Variants in TUT4 observed in about 807,000 individuals in gnomAD.
The protein encoded by TUT4 is terminal uridylyl transferase 4.
In TUT4, 36 loss-of-function variants were observed where a neutral mutation model predicts 192.2. The ratio of observed to expected loss-of-function variants is 0.19; its 90% confidence interval spans 0.14 to 0.25. The LOEUF is 0.25. Ranked by LOEUF, TUT4 falls within the 10% of genes least tolerant of loss-of-function variation. The pLI, the probability that TUT4 is intolerant of heterozygous loss-of-function variation, is 1.00. For synonymous variants in TUT4, 618 were observed against 666.0 expected (o/e 0.93, Z 1.11); for missense variants, 1,493 against 1,957.2 (o/e 0.76, Z 4.47).
intron 28 of TUT4, among the ~76,000 whole-genome samples, chr1:52,427,459 G>C (rs901607442): frequency 6.6e-6 from 1 of 152,178 alleles, no homozygotes; most frequent in Non-Finnish European, 1.5e-5. Context: ...GTTGCAGGGG[G>C]ATGGAAGACT....
chr1:52,531,360 G>A (rs1484458266), intron 1 of TUT4, among the ~76,000 whole-genome samples: 2 of 151,916 alleles, frequency 1.3e-5, no homozygotes, highest in Non-Finnish European at 1.5e-5. Flanking sequence ...TGGACTGGGG[G>A]GCCACACTTA....
intron 9 of TUT4, among the ~76,000 whole-genome samples, chr1:52,482,325 A>G (rs888480147): frequency 6.6e-6 from 1 of 152,200 alleles, no homozygotes; most frequent in Non-Finnish European, 1.5e-5. Context: ...GGAGAAGTTT[A>G]AGTTTTTCAA....
At chr1:52,543,849 A>T (rs1262508786) in intron 1 of TUT4, among the ~76,000 whole-genome samples, 1 of 152,134 alleles carries the variant, frequency 6.6e-6, no homozygotes, top group African/African-American at 2.4e-5. Context: ...CCCTATCAAA[A>T]TTCCAATGAC....
At chr1:52,471,544 G>C (rs1304301403) in intron 14 of TUT4, among the ~76,000 whole-genome samples, 1 of 152,200 alleles carries the variant, frequency 6.6e-6, no homozygotes, top group East Asian at 1.9e-4. Flanking sequence ...ACGCTGCAGT[G>C]ATGAAAATGT....
chr1:52,515,607 C>A (rs1011270704), intron 3 of TUT4: 8 of 508,332 alleles, frequency 1.6e-5, no homozygotes, highest in East Asian at 5.9e-5. Flanking sequence ...GGTGGGGAGA[C>A]TAGGTGTATT....
Position 52,461,575 on chromosome 1 carries a change from T to C in TUT4, c.3169A>G (p.Ile1057Val). Residue 1057 changes from isoleucine (I) to valine (V), a missense_variant, in exon 18 of 30, where the codon ATA becomes GTA. By Grantham distance (29) the Ile-to-Val change is conservative. Around this residue, in one of 7 missense-constraint regions of TUT4, gnomAD observed 141 missense variants for 382.7 expected, o/e 0.37. Transcript: ENST00000257177. ...CTTCGCCTGTGTTCAAATTTTACTATAGGCACTTTGGCAGTAGTTATAGGC... is the reference window on the plus strand; with the variant it reads ...CTTCGCCTGTGTTCAAATTTTACTACAGGCACTTTGGCAGTAGTTATAGGC... ...ILPITTAKVP[I>V]VKFEHRRSGL... 1.2e-6 allele frequency: 2 copies of C among 1,613,214 alleles called. No homozygotes were observed. Among genetic ancestry groups the C allele is most frequent in the Non-Finnish European group, 8.5e-7 (1 of 1,179,616 alleles).
chr1:52,539,877 G>C (rs1686022938), intron 1 of TUT4, among the ~76,000 whole-genome samples: 1 of 150,260 alleles, frequency 6.7e-6, no homozygotes, highest in Non-Finnish European at 1.5e-5. Context: ...TTGCACTTTG[G>C]CCTGGGTGAC....
In TUT4 at chr1:52,468,249, C is replaced by T. The variant is rs1332512439; in HGVS notation, c.2897G>A (p.Cys966Tyr). The T allele has an allele frequency of 1.2e-6, 2 of 1,602,188 alleles. No individual in the cohort carries two copies. Among genetic ancestry groups the T allele is most frequent in the African/African-American group, 1.3e-5 (1 of 74,110 alleles). The change falls in exon 15 of 30, where the codon TGT becomes TAT. Residue 966 changes from cysteine (C) to tyrosine (Y), a missense_variant. This residue lies in a region of TUT4 where 59 missense variants were observed against 114.3 expected (regional missense o/e 0.52). Coordinates refer to ENST00000257177, the MANE Select transcript of TUT4 (RefSeq NM_001009881.3). ...KRCFDELSPP[C>Y]SEQHNREQIL... The stretch of plus-strand genomic sequence containing the variant: ...TTGCTCCCTGTTGTGTTGTTCAGAA[C>T]AAGGTGGTGATAACTCATCTGGGTT...
chr1:52,466,297 G>C (rs549407897), intron 15 of TUT4, among the ~76,000 whole-genome samples: 1 of 152,178 alleles, frequency 6.6e-6, no homozygotes, highest in African/African-American at 2.4e-5. Flanking sequence ...AGGATCGTTT[G>C]AGACCAGGCT....
At chr1:52,471,257 G>A (rs370128699) in intron 14 of TUT4, among the ~76,000 whole-genome samples, 5 of 151,922 alleles carry the variant, frequency 3.3e-5, no homozygotes, top group African/African-American at 9.7e-5. Context: ...CCTCATGATC[G>A]GCCCACCTCG....
chr1:52,444,921 ATG>A (rs140490299), intron 24 of TUT4, among the ~76,000 whole-genome samples: 1 of 147,982 alleles, frequency 6.8e-6, no homozygotes, highest in Non-Finnish European at 1.5e-5. Context: ...ATATACATGT[ATG>A]TGTATATATA....
rs1007746426 is a variant in TUT4, at chr1:52,423,365, A to G, written c.*570T>C. 1 of 154,512 alleles carries G rather than the reference A, an allele frequency of 6.5e-6. No homozygotes were observed. The highest frequency in any genetic ancestry group is 2.4e-5 in the African/African-American group (1 of 41,470). 9.6% of individuals were successfully genotyped at this position (154,512 alleles called of 1,614,324 possible). ...CTTTCCATTCAAGTTTGAATGTTCA[A>G]TATACAAGTATGGAAAAGAAAAAAA... is the stretch of plus-strand genomic sequence containing the variant. On this transcript the variant is annotated 3_prime_UTR_variant, in exon 30 of 30. Coordinates refer to ENST00000257177, the MANE Select transcript of TUT4 (RefSeq NM_001009881.3).
chr1:52,425,496 G>A lies in TUT4; in HGVS notation c.4723C>T (p.Arg1575Ter). 1 of 1,611,208 alleles carries A rather than the reference G, an allele frequency of 6.2e-7. No individual in the cohort carries two copies. Among genetic ancestry groups the A allele is most frequent in the Non-Finnish European group, 8.5e-7 (1 of 1,178,784 alleles). Reference protein sequence around the residue: ...GAVGNSEPGFRGLTPPIPWEH... With the variant: ...GAVGNSEPGF Reference sequence around the variant, plus strand: ...CAAGGAATTGGAGGAGTCAGTCCTCGAAAGCCTGGCTCTGCATTTCAACAA... The same window carrying A: ...CAAGGAATTGGAGGAGTCAGTCCTCAAAAGCCTGGCTCTGCATTTCAACAA... Residue 1575 changes from arginine to a stop codon, truncating the protein, a stop_gained, in exon 29 of 30, where the codon CGA becomes TGA. Coordinates refer to ENST00000257177, the MANE Select transcript of TUT4 (RefSeq NM_001009881.3). LOFTEE classifies it high-confidence loss of function.
Position 52,477,974 on chromosome 1 carries a change from T to C in TUT4, c.1849-92A>G, listed in dbSNP as rs1354745802. On this transcript the variant is annotated intron_variant, in intron 11 of 29. Coordinates refer to ENST00000257177, the MANE Select transcript of TUT4 (RefSeq NM_001009881.3). ...AGAGAAGACCTTGGAGATCACGTTT[T>C]CAAAAACTGAGACATGAAGGAGTAA... The C allele has an allele frequency of 4.9e-6, 6 of 1,228,276 alleles. No homozygotes were observed. The African/African-American group carries it at 9.1e-5, about 19-fold the overall frequency. The allele number at this position is 1,228,276 out of a possible 1,614,324, so 76.1% of individuals were successfully genotyped here. A position where few individuals can be genotyped will look rare whatever the true frequency, so the allele number is the denominator to read the frequency against.
At chr1:52,445,559 G>C (rs535272211) in intron 24 of TUT4, among the ~76,000 whole-genome samples, 8 of 152,092 alleles carry the variant, frequency 5.3e-5, no homozygotes, top group African/African-American at 1.4e-4. Flanking sequence ...TCCTGTCTTC[G>C]TGGGGCTTAT....
chr1:52,534,292 G>A (rs1349453277), intron 1 of TUT4, among the ~76,000 whole-genome samples: 3 of 151,938 alleles, frequency 2.0e-5, no homozygotes, highest in African/African-American at 7.3e-5. Flanking sequence ...TCTGGCACTC[G>A]GTATCAGTAA....
In TUT4 at chr1:52,423,657, A is replaced by G; in HGVS notation, c.*278T>C. 1 of 535,464 alleles carries G rather than the reference A, an allele frequency of 1.9e-6. No homozygotes were observed. The highest frequency in any genetic ancestry group is 6.0e-4 in the Middle Eastern group (1 of 1,674). The allele number at this position is 535,464 out of a possible 1,614,324, so 33.2% of individuals were successfully genotyped here. ...AATTCCCTTAAAAATAGGGTAATAA[A>G]ATAGATGAAATTTGTATCACTCAAT... On this transcript the variant is annotated 3_prime_UTR_variant, in exon 30 of 30. Coordinates refer to ENST00000257177, the MANE Select transcript of TUT4 (RefSeq NM_001009881.3).
intron 11 of TUT4, among the ~76,000 whole-genome samples, chr1:52,479,867 C>T (rs1668036620): frequency 6.6e-6 from 1 of 151,918 alleles, no homozygotes; most frequent in South Asian, 2.1e-4. Flanking sequence ...GGTGGCCGGG[C>T]ACCTGTAGTC....
chr1:52,468,446 A>C (rs1664823520), intron 14 of TUT4, 179 bp from the exon 15 acceptor site: 1 of 516,702 alleles, frequency 1.9e-6, no homozygotes, highest in Non-Finnish European at 3.3e-6. Flanking sequence ...AAGGAAAAAA[A>C]CTGTTTTTCT....
Sources: gnomAD v4.1 joint callset for allele counts (sites outside exome capture counted in the v4.1 genomes callset) on GRCh38, gnomAD v4.1.1 for gene constraint, gnomAD v4.1.1 regional missense constraint, MANE v1.5 for transcripts, NCBI Gene and HGNC (gene_info 2026-07-23, HGNC 2026-07-21) for gene names.